Variants in SBK1 observed in about 807,000 individuals in gnomAD.
SBK1 encodes the protein SH3 domain binding kinase 1.
SBK1 carries 11 observed loss-of-function variants against 24.4 expected under a neutral mutation model. The ratio of observed to expected loss-of-function variants is 0.45; its 90% CI spans 0.28 to 0.75. The LOEUF is 0.75. Among genes scored for constraint, SBK1 ranks in the 30% least tolerant of loss-of-function variants. The pLI is 0.12. For synonymous variants in SBK1, 308 were observed against 284.4 expected, an observed-to-expected ratio of 1.08 and a Z score of -0.83; for missense variants, 467 against 620.5, an observed-to-expected ratio of 0.75 and a Z score of 2.63.
chr16:28,267,236 G>T (rs112547410), intron 1 of SBK1, among the ~76,000 whole-genome samples: 127 of 152,096 alleles, frequency 8.3e-4, no homozygotes, highest in Non-Finnish European at 1.6e-3. Context: ...AAGATGGGGT[G>T]GGGGGAGGCG....
intron 1 of SBK1, among the ~76,000 whole-genome samples, chr16:28,278,721 C>T (rs1043316192): frequency 1.3e-5 from 2 of 152,132 alleles, no homozygotes; most frequent in Non-Finnish European, 2.9e-5. Flanking sequence ...TGCCTCATAC[C>T]AGGCATGATC....
chr16:28,279,080 A>C (rs2141566206), intron 1 of SBK1, among the ~76,000 whole-genome samples: 1 of 152,108 alleles, frequency 6.6e-6, no homozygotes, highest in East Asian at 1.9e-4. Flanking sequence ...GGTGGTGTGC[A>C]CCTGTAATCC....
Position 28,293,133 on chromosome 16 carries a change from T to G in SBK1, c.-175T>G, listed in dbSNP as rs1418106539. ...GAGACACTCTCACCAGCAAGAAGCC[T>G]CGGGGATCCCCCCCCTAAAGCTCCA... On this transcript the variant is annotated 5_prime_UTR_variant, in exon 1 of 4. Transcript: ENST00000341901. 1 of 985,312 alleles carries G rather than the reference T, an allele frequency of 1.0e-6. No homozygotes were observed. Among genetic ancestry groups the G allele is most frequent in the African/African-American group, 1.8e-5 (1 of 57,092 alleles). 61.0% of individuals were successfully genotyped at this position (985,312 alleles called of 1,614,324 possible). A position where few individuals can be genotyped will look rare whatever the true frequency, so the allele number is the denominator to read the frequency against.
chr16:28,276,951 A>T (rs528963075), intron 1 of SBK1, among the ~76,000 whole-genome samples: 27 of 152,218 alleles, frequency 1.8e-4, no homozygotes, highest in Non-Finnish European at 3.5e-4. Flanking sequence ...GGCGTGAGCC[A>T]CAGCTCCCGG....
intron 1 of SBK1, among the ~76,000 whole-genome samples, chr16:28,302,742 T>G (rs1232784165): frequency 6.6e-6 from 1 of 152,172 alleles, no homozygotes; most frequent in Non-Finnish European, 1.5e-5. Flanking sequence ...GTTAATTCAT[T>G]TATTCAACAA....
chr16:28,319,247 AGT>A lies in SBK1; in HGVS notation c.429+54_429+55del. 7.1e-7 allele frequency: 1 copy of A among 1,408,788 alleles called. No individual in the cohort carries two copies. Among genetic ancestry groups the A allele is most frequent in the South Asian group, 1.2e-5 (1 of 86,856 alleles). 87.3% of individuals were successfully genotyped at this position (1,408,788 alleles called of 1,614,324 possible). On this transcript the variant is annotated intron_variant, in intron 3 of 3. Transcript: ENST00000341901. The surrounding 1 kb of genome is among the most constrained non-coding windows in gnomAD (Gnocchi z 4.0). ...GGGGAAAGGGTCTTCAGGGTCCCAG[AGT>A]GTGAGAGTGGGAGTGGAGTCAGACC... is the stretch of plus-strand genomic sequence containing the variant.
chr16:28,261,166 G>A (rs2044395019), intron 1 of SBK1, among the ~76,000 whole-genome samples: 1 of 152,058 alleles, frequency 6.6e-6, no homozygotes, highest in Non-Finnish European at 1.5e-5. Context: ...AATAATAGGT[G>A]CAGAAGGGCT....
chr16:28,260,183 T>C (rs2044389028), intron 1 of SBK1, among the ~76,000 whole-genome samples: 1 of 152,084 alleles, frequency 6.6e-6, no homozygotes, highest in African/African-American at 2.4e-5. Flanking sequence ...TGTGTGACTG[T>C]GAGCCTGTGT....
chr16:28,269,713 C>CAA (rs35633204), intron 1 of SBK1, among the ~76,000 whole-genome samples: 62,033 of 143,884 alleles, frequency 0.43, 13,740 homozygotes, highest in East Asian at 0.7. Flanking sequence ...ACTAAAAATA[C>CAA]AAAAAAAAAA....
Position 28,320,737 on chromosome 16 carries a change from G to A in SBK1, c.1091G>A (p.Arg364Gln), listed in dbSNP as rs1431203292. The A allele has an allele frequency of 1.7e-6, 2 of 1,189,762 alleles. No individual in the cohort carries two copies. The highest frequency in any genetic ancestry group is 1.7e-5 in the African/African-American group (1 of 60,142). The allele number at this position is 1,189,762 out of a possible 1,614,324, so 73.7% of individuals were successfully genotyped here. A position where few individuals can be genotyped will look rare whatever the true frequency, so the allele number is the denominator to read the frequency against. ...CTGACCGAGAGCGGCAGCGGCTCCC[G>A]GCCCGCGCCCCCCGCCGTCGGGTCG... is the stretch of plus-strand genomic sequence containing the variant. Reference protein sequence around the residue: ...TVLTESGSGSRPAPPAVGSVP... With the variant: ...TVLTESGSGSQPAPPAVGSVP... Residue 364 changes from arginine to glutamine, a missense_variant, in exon 4 of 4, where the codon CGG becomes CAG. Physicochemically the swap from Arg to Gln is conservative, Grantham distance 43. Transcript: ENST00000341901. This position sits in a 1 kb window ranked among gnomAD's most constrained non-coding sequence, Gnocchi z 8.5.
In SBK1 at chr16:28,322,969, TCTCTCTC is replaced by T. The variant is rs2044868608; in HGVS notation, c.*2049_*2055del. On this transcript the variant is annotated 3_prime_UTR_variant, in exon 4 of 4. Coordinates refer to ENST00000341901, the MANE Select transcript of SBK1 (RefSeq NM_001024401.3). Reference sequence around the variant, plus strand: ...CTCTCTCTCTCTCTCTCTCTCTCTCTCTCTCTCTCTCCTCTCTTTCTCTCTCTCCCTC... The same window carrying T: ...CTCTCTCTCTCTCTCTCTCTCTCTCTTCTCCTCTCTTTCTCTCTCTCCCTC... 7.7e-6 allele frequency: 1 copy of T among 130,122 alleles called. No homozygotes were observed. The highest frequency in any genetic ancestry group is 2.2e-4 in the East Asian group (1 of 4,620). 8.1% of individuals were successfully genotyped at this position (130,122 alleles called of 1,614,324 possible). A position where few individuals can be genotyped will look rare whatever the true frequency, so the allele number is the denominator to read the frequency against.
chr16:28,285,869 C>T (rs1356295329), intron 1 of SBK1: 2 of 152,260 alleles, frequency 1.3e-5, no homozygotes, highest in African/African-American at 4.8e-5. Flanking sequence ...GAATTCCCAA[C>T]TCAAAGTGGC....
At chr16:28,291,127 T>A (rs2141574373), upstream of SBK1, 1 of 152,254 alleles carries the variant, frequency 6.6e-6, no homozygotes, top group African/African-American at 2.4e-5. Flanking sequence ...AGGATTACGC[T>A]GGGTTGAGAA....
At chr16:28,302,229 G>C (rs1053746224) in intron 1 of SBK1, among the ~76,000 whole-genome samples, 3 of 152,236 alleles carry the variant, frequency 2.0e-5, no homozygotes, top group African/African-American at 7.2e-5. Flanking sequence ...GGATGACCAG[G>C]GCTCCCTGGG....
chr16:28,266,476 TTAAAC>T (rs2044428954), intron 1 of SBK1, among the ~76,000 whole-genome samples: 1 of 152,194 alleles, frequency 6.6e-6, no homozygotes, highest in Non-Finnish European at 1.5e-5. Flanking sequence ...CTGAGTTGCC[TTAAAC>T]TAAACAAGTT....
chr16:28,287,136 A>T (rs890392985), intron 1 of SBK1: 3 of 147,684 alleles, frequency 2.0e-5, no homozygotes, highest in Non-Finnish European at 4.5e-5. Context: ...AATAAATAAA[A>T]ATTAAATTAA....
In SBK1 at chr16:28,269,032, C is replaced by CTTT. The variant is rs1223749659; in HGVS notation, c.257+9547_257+9549dup. ...TCAAAGCCAAATAGCAAGTTCTTTC[C>CTTT]TTTTTTTTTTTTTTTTTTTGAGATG... On this transcript the variant is annotated intron_variant, in intron 1 of 3. Transcript: ENST00000671413. Among the ~76,000 whole-genome samples, 441 of 130,212 alleles carry CTTT rather than the reference C, an allele frequency of 3.4e-3. 10 individuals carry two copies. Among genetic ancestry groups the CTTT allele is most frequent in the African/African-American group, 0.013 (419 of 32,746 alleles). The allele number at this position is 130,212 out of a possible 152,430, so 85.4% of individuals were successfully genotyped here.
intron 1 of SBK1, among the ~76,000 whole-genome samples, chr16:28,311,420 A>G (rs1465395295): frequency 6.6e-6 from 1 of 152,180 alleles, no homozygotes; most frequent in African/African-American, 2.4e-5. Context: ...TTGAGGAGAT[A>G]GAATAGAGGA....
At chr16:28,318,865 TC>T in intron 2 of SBK1, 129 bp from the exon 3 acceptor site, 1 of 749,220 alleles carries the variant, frequency 1.3e-6, no homozygotes, top group Non-Finnish European at 2.4e-6. Context: ...TCTGTTCCCA[TC>T]CGTGAGATGA....
Sources: gnomAD v4.1 joint callset for allele counts (sites outside exome capture counted in the v4.1 genomes callset) on GRCh38, gnomAD v4.1.1 for gene constraint, Gnocchi (gnomAD v3.1) non-coding constraint, MANE v1.5 for transcripts, NCBI Gene and HGNC (gene_info 2026-07-23, HGNC 2026-07-21) for gene names.